Variants in LOC128125817 observed in about 807,000 individuals in gnomAD.
the LOC128125817 span, among the ~76,000 whole-genome samples, chr1:41,617,485 T>A: frequency 6.6e-6 from 1 of 152,256 alleles, no homozygotes. Context: ...TCAAGTATTC[T>A]GTTACCCAGT....
At chr1:41,618,100 C>A in the LOC128125817 span, among the ~76,000 whole-genome samples, 3 of 152,166 alleles carry the variant, frequency 2.0e-5, no homozygotes, top group Admixed American at 2.0e-4. Flanking sequence ...GGAAACTTAC[C>A]CAGGCTGAGC....
At chr1:41,612,905 C>T in the LOC128125817 span, among the ~76,000 whole-genome samples, 295 of 152,312 alleles carry the variant, frequency 1.9e-3, 1 homozygote, top group Admixed American at 0.013. Context: ...TCAGAAGAAC[C>T]GATAAACCAT....
At chr1:41,605,279 A>G in the LOC128125817 span, among the ~76,000 whole-genome samples, 2 of 151,260 alleles carry the variant, frequency 1.3e-5, no homozygotes, top group African/African-American at 4.9e-5. Context: ...GCAGGTGGGT[A>G]TTTACTCCGA....
chr1:41,599,929 A>G, the LOC128125817 span, among the ~76,000 whole-genome samples: 6,623 of 152,292 alleles, frequency 0.043, 171 homozygotes, highest in East Asian at 0.098. Flanking sequence ...CGTTTCTCCA[A>G]AGAAGATCTA....
At chr1:41,625,772 A>T in the LOC128125817 span, among the ~76,000 whole-genome samples, 30 of 152,234 alleles carry the variant, frequency 2.0e-4, no homozygotes, top group African/African-American at 7.2e-4. Context: ...CATCTGACTT[A>T]AATTAGACTA....
At chr1:41,601,729 T>G in the LOC128125817 span, among the ~76,000 whole-genome samples, 1 of 152,196 alleles carries the variant, frequency 6.6e-6, no homozygotes. Flanking sequence ...TCTTTAATTT[T>G]TTTTCTTGCC....
chr1:41,599,693 C>G, the LOC128125817 span, among the ~76,000 whole-genome samples: 1 of 151,996 alleles, frequency 6.6e-6, no homozygotes, highest in Non-Finnish European at 1.5e-5. Flanking sequence ...AGATGTGGCA[C>G]CAAAAGCATA....
At chr1:41,601,686 A>T in the LOC128125817 span, among the ~76,000 whole-genome samples, 1 of 152,138 alleles carries the variant, frequency 6.6e-6, no homozygotes, top group Non-Finnish European at 1.5e-5. Context: ...TGCAAACAGG[A>T]ACAATTTTAC....
the LOC128125817 span, among the ~76,000 whole-genome samples, chr1:41,599,370 T>C: frequency 1.3e-4 from 20 of 152,292 alleles, no homozygotes; most frequent in Middle Eastern, 6.8e-3. Context: ...TCTTACTCGA[T>C]TGACAAACGC....
chr1:41,587,144 A>G, the LOC128125817 span, among the ~76,000 whole-genome samples: 1 of 152,228 alleles, frequency 6.6e-6, no homozygotes, highest in African/African-American at 2.4e-5. Flanking sequence ...GTAGCACTTC[A>G]GTCAGGAGCA....
chr1:41,622,197 C>G, the LOC128125817 span, among the ~76,000 whole-genome samples: 26 of 152,260 alleles, frequency 1.7e-4, no homozygotes, highest in Middle Eastern at 3.4e-3. Flanking sequence ...GAGGGGAGCC[C>G]CTCTCATGGA....
chr1:41,609,431 G>A, the LOC128125817 span, among the ~76,000 whole-genome samples: 4 of 152,244 alleles, frequency 2.6e-5, no homozygotes, highest in Non-Finnish European at 5.9e-5. Context: ...GCAAGCCTCC[G>A]TGTAGGCACC....
the LOC128125817 span, among the ~76,000 whole-genome samples, chr1:41,611,528 G>C: frequency 1.3e-5 from 2 of 152,240 alleles, no homozygotes; most frequent in African/African-American, 4.8e-5. Context: ...CAAAGGCACC[G>C]AAGGTTCCAT....
chr1:41,602,638 T>C, the LOC128125817 span, among the ~76,000 whole-genome samples: 2 of 152,110 alleles, frequency 1.3e-5, no homozygotes, highest in Admixed American at 6.5e-5. Flanking sequence ...TTTTCTAGCA[T>C]AGCTAATGAT....
chr1:41,594,765 AC>A, the LOC128125817 span, among the ~76,000 whole-genome samples: 1 of 151,964 alleles, frequency 6.6e-6, no homozygotes, highest in South Asian at 2.1e-4. Context: ...TCCCTTTATG[AC>A]TTTTAGGTTT....
chr1:41,621,013 C>G, the LOC128125817 span, among the ~76,000 whole-genome samples: 1 of 152,208 alleles, frequency 6.6e-6, no homozygotes, highest in Non-Finnish European at 1.5e-5. Flanking sequence ...AAGTAATTGA[C>G]AGTGTGACCC....
the LOC128125817 span, among the ~76,000 whole-genome samples, chr1:41,608,624 A>G: frequency 1.3e-5 from 2 of 152,062 alleles, no homozygotes; most frequent in Non-Finnish European, 2.9e-5. Context: ...AATCACTGAG[A>G]CTTCTGGAAT....
the LOC128125817 span, among the ~76,000 whole-genome samples, chr1:41,617,118 A>G: frequency 4.5e-4 from 69 of 152,346 alleles, no homozygotes; most frequent in Middle Eastern, 3.4e-3. Context: ...ATCTTGTTAC[A>G]GCTGAATGAT....
At chr1:41,605,307 T>G in the LOC128125817 span, among the ~76,000 whole-genome samples, 4 of 151,646 alleles carry the variant, frequency 2.6e-5, no homozygotes, top group Non-Finnish European at 1.5e-5. Context: ...TGAAGCAGTT[T>G]TCTGGGTGTA....
Sources: allele counts gnomAD v4.1 joint callset (sites outside exome capture counted in the v4.1 genomes callset), GRCh38; gene constraint gnomAD v4.1.1; transcripts MANE v1.5.